The following OFD1 variants were observed in gnomAD, a reference collection of about 807,000 sequenced individuals.
The protein encoded by OFD1 is OFD1 centriole and centriolar satellite protein.
OFD1 carries 12 observed loss-of-function variants against 81.4 expected under a neutral mutation model. The observed-to-expected ratio is 0.15, with a 90% CI of 0.09 to 0.24. The LOEUF (loss-of-function observed/expected upper bound fraction) is 0.24. Among genes scored for constraint, OFD1 ranks in the 10% least tolerant of loss-of-function variants. The pLI is 1.00. For missense variants in OFD1, 685 were observed against 733.9 expected, an observed-to-expected ratio of 0.93 and a Z score of 0.77; for synonymous variants, 256 against 263.7, an observed-to-expected ratio of 0.97 and a Z score of 0.28.
the OFD1 span, chrX:13,716,759 T>C: frequency 1.2e-5 from 13 of 1,069,220 alleles, no homozygotes; most frequent in South Asian, 2.0e-5. Context: ...GTAAATTCTA[T>C]AGATGGTTTT....
Position 13,734,800 on chromosome X carries a change from C to G in OFD1, c.-272C>G. ...TGCCTTCAGTCCCTAGTGTCTGGGT[C>G]CCCGCCCTCCAGCCGCCTTTGAGTC... On this transcript the variant is annotated 5_prime_UTR_variant, in exon 1 of 23. Coordinates refer to ENST00000340096, the MANE Select transcript of OFD1 (RefSeq NM_003611.3). 2.8e-6 allele frequency: 3 copies of G among 1,073,888 alleles called. No homozygotes were observed. Among genetic ancestry groups the G allele is most frequent in the Non-Finnish European group, 3.6e-6 (3 of 834,444 alleles). The allele number at this position is 1,073,888 out of a possible 1,213,427, so 88.5% of individuals were successfully genotyped here. A position where few individuals can be genotyped will look rare whatever the true frequency, so the allele number is the denominator to read the frequency against.
intron 7 of OFD1, 43 bp downstream of exon 7, chrX:13,746,498 T>C (rs761913905): frequency 8.5e-7 from 1 of 1,180,509 alleles, no homozygotes; most frequent in Admixed American, 2.2e-5. Context: ...GATGTTTTTG[T>C]TTGTCTTCTA....
Position 13,768,705 on chromosome X carries a change from T to TC in OFD1, c.2929-11dup. 8.3e-7 allele frequency: 1 copy of TC among 1,198,046 alleles called. No individual in the cohort carries two copies. Among genetic ancestry groups the TC allele is most frequent in the Non-Finnish European group, 1.1e-6 (1 of 883,025 alleles). On this transcript the variant is annotated splice_polypyrimidine_tract_variant and intron_variant, in intron 21 of 22. Transcript: ENST00000340096. ...TCTAATTTCAAAATTTTCCACCCTC[T>TC]CCATGTAATCAGAGCTCAAAAAAGA...
chrX:13,734,699 C>T, upstream of OFD1: 5 of 970,284 alleles, frequency 5.2e-6, no homozygotes, highest in Non-Finnish European at 6.5e-6. Context: ...TGCGCCGTAG[C>T]TCTTCAGCTC....
At chrX:13,743,252 AACAC>A (rs982989440) in intron 5 of OFD1, among the ~76,000 whole-genome samples, 1 of 112,588 alleles carries the variant, frequency 8.9e-6, no homozygotes, top group Non-Finnish European at 1.9e-5. Context: ...TTGTAATTAA[AACAC>A]AATCAATTGG....
intron 10 of OFD1, among the ~76,000 whole-genome samples, chrX:13,751,874 C>A (rs1332504547): frequency 8.9e-6 from 1 of 112,168 alleles, no homozygotes; most frequent in African/African-American, 3.2e-5. Context: ...GAAGCACATC[C>A]TCTGCGCTTC....
intron 16 of OFD1, 61 bp downstream of exon 16, chrX:13,760,781 G>T (rs1043318732): frequency 3.4e-6 from 4 of 1,186,274 alleles, no homozygotes; most frequent in East Asian, 3.0e-5. Flanking sequence ...CCCTGCCCAC[G>T]ACACAGGGTT....
chrX:13,758,137 G>A (rs2047782075), intron 14 of OFD1, among the ~76,000 whole-genome samples, 200 bp from the exon 15 acceptor site: 1 of 110,359 alleles, frequency 9.1e-6, no homozygotes, highest in African/African-American at 3.3e-5. Flanking sequence ...TCTTTGATAT[G>A]ACTGAAAAAG....
chrX:13,756,858 A>G, intron 13 of OFD1, 91 bp downstream of exon 13: 1 of 708,681 alleles, frequency 1.4e-6, no homozygotes, highest in Non-Finnish European at 2.2e-6. Context: ...TGTATAAGGT[A>G]GGGGGCTTAC....
At chrX:13,723,802 T>C in the OFD1 span, among the ~76,000 whole-genome samples, 6 of 110,390 alleles carry the variant, frequency 5.4e-5, no homozygotes, top group Non-Finnish European at 1.1e-4. Context: ...AGCAGAACAG[T>C]GGCCCCTCTC....
chrX:13,730,225 GA>G (rs772338405), upstream of OFD1, among the ~76,000 whole-genome samples: 1,900 of 101,184 alleles, frequency 0.019, 53 homozygotes, highest in African/African-American at 0.064. Flanking sequence ...AAATTTATAA[GA>G]AAAAAAAAAA....
At chrX:13,771,742 G>A (rs1237386532), downstream of OFD1, 1 of 112,202 alleles carries the variant, frequency 8.9e-6, no homozygotes, top group Non-Finnish European at 1.9e-5. Flanking sequence ...TAATGTAAAA[G>A]GCAAGTTTCT....
the OFD1 span, chrX:13,720,077 C>T: frequency 3.2e-6 from 2 of 633,438 alleles, no homozygotes; most frequent in Non-Finnish European, 4.5e-6. Flanking sequence ...TAAATTTAAA[C>T]CTGACATTGT....
rs768055722 is a variant in OFD1 at position 13,768,200 on chromosome X, G to A, written c.2904G>A (p.Glu968=). The A allele has an allele frequency of 1.7e-6, 2 of 1,210,562 alleles. No individual in the cohort carries two copies. The highest frequency in any genetic ancestry group is 1.8e-5 in the South Asian group (1 of 56,987). Residue 968 remains glutamate (E), a synonymous_variant, in exon 21 of 23, where the codon GAG becomes GAA. Transcript: ENST00000340096. ...AATACATGAAAATCATCCAGCAGGAGCAAGACCAGGAGTCGGCAGATAAGG... is the reference window on the plus strand; with the variant it reads ...AATACATGAAAATCATCCAGCAGGAACAAGACCAGGAGTCGGCAGATAAGG... ...LEKYMKIIQQ[E]QDQESADKSS... is the part of the protein sequence containing the mutation.
At chrX:13,723,286 G>A in the OFD1 span, among the ~76,000 whole-genome samples, 1 of 110,739 alleles carries the variant, frequency 9.0e-6, no homozygotes, top group South Asian at 3.8e-4. Context: ...TCCTGCCTCA[G>A]CCTCTTGAGT....
intron 10 of OFD1, chrX:13,753,118 T>TG: frequency 1.0e-6 from 1 of 996,421 alleles, no homozygotes; most frequent in East Asian, 4.4e-5. Flanking sequence ...AGTAACCTTA[T>TG]GATAACACGA....
At chrX:13,728,917 A>C in the OFD1 span, among the ~76,000 whole-genome samples, 1 of 112,290 alleles carries the variant, frequency 8.9e-6, no homozygotes, top group Admixed American at 9.4e-5. Context: ...AGGATACAAA[A>C]TCAATATGCA....
chrX:13,755,825 ATTTAT>A (rs2047679937), intron 12 of OFD1, among the ~76,000 whole-genome samples: 2 of 111,438 alleles, frequency 1.8e-5, no homozygotes, highest in African/African-American at 6.5e-5. Flanking sequence ...TGTATATGAA[ATTTAT>A]TTTAGCAACT....
rs1191893961 is a variant in OFD1, at chrX:13,756,656, A to T, written c.1300A>T (p.Met434Leu). ...NHMLNEKVKE[M>L]SDYSLLKEEK... ...TATGCTGAATGAAAAGGTTAAAGAG[A>T]TGAGTGATTATTCACTACTAAAAGA... Residue 434 changes from methionine (M) to leucine (L), a missense_variant, in exon 13 of 23, where the codon ATG (methionine) becomes TTG (leucine). Around this residue, in one of 3 missense-constraint regions of OFD1, gnomAD observed 414 missense variants for 447.2 expected, o/e 0.93. Coordinates refer to ENST00000340096, the MANE Select transcript of OFD1 (RefSeq NM_003611.3). 5.8e-6 allele frequency: 7 copies of T among 1,200,319 alleles called. No homozygotes were observed. Among genetic ancestry groups the T allele is most frequent in the African/African-American group, 1.8e-5 (1 of 56,956 alleles).
Sources: allele counts gnomAD v4.1 joint callset (sites outside exome capture counted in the v4.1 genomes callset), GRCh38; gene constraint gnomAD v4.1.1; regional missense constraint gnomAD v4.1.1; transcripts MANE v1.5; gene names NCBI Gene and HGNC (gene_info 2026-07-23, HGNC 2026-07-21).